The following APBA2 variants were observed in gnomAD, a reference collection of about 807,000 sequenced individuals.
The protein encoded by APBA2 is amyloid-beta A4 precursor protein-binding family A member 2.
APBA2 carries 30 observed loss-of-function variants against 75.0 expected under a neutral mutation model. That is an observed-to-expected ratio of 0.40 (90% CI 0.30 to 0.54). The LOEUF is 0.54. Ranked by LOEUF, APBA2 falls within the 20% of genes least tolerant of loss-of-function variation. The pLI is 0.49. For missense variants in APBA2, 801 were observed against 1,016.1 expected (o/e 0.79, Z 2.88); for synonymous variants, 444 against 409.6 (o/e 1.08, Z -1.01).
intron 2 of APBA2, among the ~76,000 whole-genome samples, chr15:28,969,365 G>C (rs181675321): frequency 6.6e-6 from 1 of 151,954 alleles, no homozygotes; most frequent in Admixed American, 6.6e-5. Flanking sequence ...GTTTTTAGTA[G>C]AGATGGGGTT....
intron 4 of APBA2, among the ~76,000 whole-genome samples, chr15:29,073,064 T>C (rs993489274): frequency 1.3e-5 from 2 of 152,210 alleles, no homozygotes; most frequent in African/African-American, 4.8e-5. Flanking sequence ...TCATTCCAAC[T>C]ACCTGGGGCA....
Position 29,050,483 on chromosome 15 carries a change from G to A in APBA2, c.-40-3362G>A, listed in dbSNP as rs114956628. On this transcript the variant is annotated intron_variant, in intron 3 of 14. Transcript: ENST00000683413. ...TTATAGTCCAAATTATATTGTTGTC[G>A]TAGTGTTATACATCTGGAATAAATT... is the stretch of plus-strand genomic sequence containing the variant. Among the ~76,000 whole-genome samples, 978 of 152,274 alleles carry A rather than the reference G, an allele frequency of 6.4e-3. 9 individuals carry two copies. Among genetic ancestry groups the A allele is most frequent in the African/African-American group, 0.022 (919 of 41,556 alleles).
In APBA2 at chr15:28,981,703, C is replaced by G. The variant is rs1019952076; in HGVS notation, c.-94-14050C>G. Among the ~76,000 whole-genome samples the G allele has an allele frequency of 5.0e-4, 76 of 152,134 alleles. 3 individuals are homozygous for G. The highest frequency in any genetic ancestry group is 1.5e-5 in the Non-Finnish European group (1 of 68,044). On this transcript the variant is annotated intron_variant, in intron 2 of 14. Coordinates refer to ENST00000683413, the MANE Select transcript of APBA2 (RefSeq NM_001353788.2). ...TCACTCTACCAAAAAGACACATGCA[C>G]TTGTATGTTCATCACTGTGGTATTC...
intron 6 of APBA2, among the ~76,000 whole-genome samples, chr15:29,087,774 A>AGGCTCTCCTGCTGATCTGGT (rs1566991417): frequency 2.6e-5 from 4 of 152,134 alleles, no homozygotes; most frequent in Admixed American, 1.3e-4. Context: ...TTCAGGGGGC[A>AGGCTCTCCTGCTGATCTGGT]GGCTCTCCTG....
At chr15:28,895,808 G>C (rs1194267987) in intron 1 of APBA2, among the ~76,000 whole-genome samples, 2 of 152,048 alleles carry the variant, frequency 1.3e-5, no homozygotes, top group African/African-American at 2.4e-5. Context: ...TGCTTGTTAG[G>C]CTCCTTAGAA....
At position 29,008,822 on chromosome 15, in the gene APBA2, C is replaced by T. The variant is rs1595715304; in HGVS notation, c.-41+13016C>T. 1.3e-5 allele frequency among the ~76,000 whole-genome samples: 2 copies of T among 152,328 alleles called. 1 individual carries two copies. The highest frequency in any genetic ancestry group is 3.9e-4 in the East Asian group (2 of 5,188). On this transcript the variant is annotated intron_variant, in intron 3 of 14. Transcript: ENST00000683413. ...TCGTGCCCCTGAGTGTCTGCCTTCCCACCATTCTCTGGGAGTTGGTTTCCA... is the reference window on the plus strand; with the variant it reads ...TCGTGCCCCTGAGTGTCTGCCTTCCTACCATTCTCTGGGAGTTGGTTTCCA...
At chr15:29,004,440 A>C (rs1373855379) in intron 3 of APBA2, among the ~76,000 whole-genome samples, 1 of 152,220 alleles carries the variant, frequency 6.6e-6, no homozygotes, top group East Asian at 1.9e-4. Flanking sequence ...TGAAAGCTAG[A>C]GGCCATTTCC....
intron 2 of APBA2, among the ~76,000 whole-genome samples, chr15:28,982,335 G>C (rs1275848724): frequency 6.6e-6 from 1 of 152,228 alleles, no homozygotes; most frequent in African/African-American, 2.4e-5. Context: ...GGCTAATAAA[G>C]TCAGGTTATC....
intron 4 of APBA2, among the ~76,000 whole-genome samples, chr15:29,066,624 C>T (rs2042389828): frequency 6.6e-6 from 1 of 151,992 alleles, no homozygotes; most frequent in Non-Finnish European, 1.5e-5. Context: ...TTCTGGAGGT[C>T]ATCGGTGGTG....
rs1445286188 is a variant in APBA2, at chr15:28,918,980, C to T, written c.-204-2660C>T. ...GTTCACGCCATTCTCCTGCCTCAGCCTCCGGAGTAGCTGGGACTACAGGCG... is the reference window on the plus strand; with the variant it reads ...GTTCACGCCATTCTCCTGCCTCAGCTTCCGGAGTAGCTGGGACTACAGGCG... On this transcript the variant is annotated intron_variant, in intron 1 of 14. Coordinates refer to ENST00000683413, the MANE Select transcript of APBA2 (RefSeq NM_001353788.2). The surrounding 1 kb of genome is among the most constrained non-coding windows in gnomAD (Gnocchi z 4.2). Among the ~76,000 whole-genome samples, 6 of 152,102 alleles carry T rather than the reference C, an allele frequency of 3.9e-5. No homozygotes were observed. The East Asian group carries it at 9.7e-4, about 25-fold the overall frequency.
Position 29,106,505 on chromosome 15 carries a change from C to T in APBA2, c.1705-102C>T, listed in dbSNP as rs936487579. On this transcript the variant is annotated intron_variant, in intron 11 of 14. Coordinates refer to ENST00000683413, the MANE Select transcript of APBA2 (RefSeq NM_001353788.2). ...GCCAGCCTTGGATCCCAGGGCAGGG[C>T]GGGATGTGCCAGGACAGGGTCAGCC... is the stretch of plus-strand genomic sequence containing the variant. 48 of 1,306,048 alleles carry T rather than the reference C, an allele frequency of 3.7e-5. No homozygotes were observed. The East Asian group carries it at 3.9e-4, about 11-fold the overall frequency. The allele number at this position is 1,306,048 out of a possible 1,614,324, so 80.9% of individuals were successfully genotyped here.
intron 2 of APBA2, among the ~76,000 whole-genome samples, chr15:28,972,993 A>G (rs72714193): frequency 0.028 from 4,216 of 152,316 alleles, 74 homozygotes; most frequent in Non-Finnish European, 0.031. Context: ...AATAAACATT[A>G]TATTCTACAT....
chr15:28,952,401 G>A (rs966670899), intron 2 of APBA2, among the ~76,000 whole-genome samples: 5 of 152,016 alleles, frequency 3.3e-5, no homozygotes, highest in African/African-American at 1.2e-4. Context: ...GTGTGGTGAC[G>A]CGCACCAGTG....
In APBA2 at chr15:29,036,937, T is replaced by G. The variant is rs371906221; in HGVS notation, c.-40-16908T>G. On this transcript the variant is annotated intron_variant, in intron 3 of 14. Coordinates refer to ENST00000683413, the MANE Select transcript of APBA2 (RefSeq NM_001353788.2). ...TTGGAGGCTAAGGTAGGAGGATTGC[T>G]TGAACCTGGGAGGTGGAGGTTGCAG... 3.9e-5 allele frequency among the ~76,000 whole-genome samples: 6 copies of G among 152,096 alleles called. No individual in the cohort carries two copies. The East Asian group carries it at 1.2e-3, about 29-fold the overall frequency.
intron 2 of APBA2, among the ~76,000 whole-genome samples, chr15:28,959,517 G>C: frequency 6.6e-6 from 1 of 152,222 alleles, no homozygotes; most frequent in East Asian, 1.9e-4. Context: ...GCGGAAGACA[G>C]CCGTATGTGA....
chr15:28,985,311 C>G (rs2037862335), intron 2 of APBA2, among the ~76,000 whole-genome samples: 1 of 152,178 alleles, frequency 6.6e-6, no homozygotes, highest in African/African-American at 2.4e-5. Flanking sequence ...ACCCCACACG[C>G]CCCTTCATGC....
intron 2 of APBA2, among the ~76,000 whole-genome samples, chr15:28,942,908 G>A (rs528393107): frequency 1.2e-4 from 18 of 152,204 alleles, no homozygotes; most frequent in African/African-American, 3.4e-4. Context: ...GCCCCTGAGC[G>A]ACTCTGCTCC....
chr15:28,937,761 A>G (rs1289536560), intron 2 of APBA2, among the ~76,000 whole-genome samples: 1 of 151,334 alleles, frequency 6.6e-6, no homozygotes, highest in East Asian at 1.9e-4. Context: ...GGTTCACGCC[A>G]TTCTCCTGCC....
At chr15:28,982,742 G>A (rs1309268484) in intron 2 of APBA2, among the ~76,000 whole-genome samples, 1 of 152,210 alleles carries the variant, frequency 6.6e-6, no homozygotes, top group Admixed American at 6.5e-5. Flanking sequence ...CATTGGACCA[G>A]CATGACCAAT....
Sources: gnomAD v4.1 joint callset for allele counts (sites outside exome capture counted in the v4.1 genomes callset) on GRCh38, gnomAD v4.1.1 for gene constraint, Gnocchi (gnomAD v3.1) non-coding constraint, MANE v1.5 for transcripts, NCBI Gene and HGNC (gene_info 2026-07-23, HGNC 2026-07-21) for gene names.